SMCHD1: variants seen among roughly 807,000 people sequenced by gnomAD.
SMCHD1 encodes structural maintenance of chromosomes flexible hinge domain containing 1, also known as structural maintenance of chromosomes flexible hinge domain-containing protein 1.
A neutral mutation model predicts 254.7 loss-of-function variants in SMCHD1; 78 were observed. That is an observed-to-expected ratio of 0.31 (90% CI 0.26 to 0.37). The LOEUF (loss-of-function observed/expected upper bound fraction) is 0.37. Ranked by LOEUF, SMCHD1 falls within the 10% of genes least tolerant of loss-of-function variation. SMCHD1 has a pLI of 1.00. For missense variants in SMCHD1, 1,840 were observed against 2,408.1 expected, an observed-to-expected ratio of 0.76 and a Z score of 4.94; for synonymous variants, 766 against 794.9, an observed-to-expected ratio of 0.96 and a Z score of 0.61.
chr18:2,771,512 A>T, intron 39 of SMCHD1, 21 bp from the exon 40 acceptor site: 1 of 1,545,792 alleles, frequency 6.5e-7, no homozygotes, highest in Non-Finnish European at 8.7e-7. Flanking sequence ...ATTGATGCAA[A>T]TTTTTGGTTT....
At chr18:2,786,765 T>C (rs1424535513) in intron 45 of SMCHD1, among the ~76,000 whole-genome samples, 1 of 152,222 alleles carries the variant, frequency 6.6e-6, no homozygotes, top group African/African-American at 2.4e-5. Flanking sequence ...CACCACTCCA[T>C]ACTCAAAGGA....
Position 2,722,368 on chromosome 18 carries a change from T to C in SMCHD1, c.2459-151T>C, listed in dbSNP as rs117815900. The C allele has an allele frequency of 3.6e-3, 2,425 of 672,528 alleles. 26 individuals are homozygous for C. The highest frequency in any genetic ancestry group is 0.026 in the East Asian group (906 of 35,286). The allele number at this position is 672,528 out of a possible 1,614,324, so 41.7% of individuals were successfully genotyped here. A position where few individuals can be genotyped will look rare whatever the true frequency, so the allele number is the denominator to read the frequency against. ...CCAAGTGGATTGTCTGCATAACATA[T>C]AATTTTTGCGCTGATTTTAAAATGT... On this transcript the variant is annotated intron_variant, in intron 19 of 47. Coordinates refer to ENST00000320876, the MANE Select transcript of SMCHD1 (RefSeq NM_015295.3).
intron 1 of SMCHD1, 40 bp from the exon 2 acceptor site, chr18:2,666,117 C>T: frequency 2.2e-6 from 2 of 909,206 alleles, no homozygotes; most frequent in Admixed American, 2.4e-5. Flanking sequence ...ACATTTATTT[C>T]CTTTGTGTAA....
At chr18:2,725,365 A>G (rs901518339) in intron 21 of SMCHD1, among the ~76,000 whole-genome samples, 1 of 151,766 alleles carries the variant, frequency 6.6e-6, no homozygotes, top group Non-Finnish European at 1.5e-5. Flanking sequence ...TAGAACAAAA[A>G]TGACAATTAG....
Position 2,703,746 on chromosome 18 carries a change from G to A in SMCHD1, c.1702G>A (p.Glu568Lys), listed in dbSNP as rs750017186. ...EFALWLKDCH[E>K]KYDKQIKFTL... ...TGCTTTGTGGCTGAAGGACTGTCAT[G>A]AGAAGTATGATAAACAAATAAAATT... The change falls in exon 13 of 48, where the codon GAG (glutamate) becomes AAG (lysine). Residue 568 changes from glutamate (E) to lysine (K), a missense_variant. Physicochemically the swap from Glu to Lys is moderately conservative, Grantham distance 56. Transcript: ENST00000320876. 1 of 1,612,306 alleles carries A rather than the reference G, an allele frequency of 6.2e-7. No individual in the cohort carries two copies. Among genetic ancestry groups the A allele is most frequent in the South Asian group, 1.1e-5 (1 of 90,870 alleles).
At chr18:2,787,585 A>G (rs1330931969) in intron 45 of SMCHD1, among the ~76,000 whole-genome samples, 3 of 152,240 alleles carry the variant, frequency 2.0e-5, no homozygotes, top group Admixed American at 2.0e-4. Flanking sequence ...CAGTGAATTA[A>G]TGTAAAAGGC....
rs79842856 is a variant in SMCHD1, at chr18:2,754,944, C to T, written c.4346+2392C>T. Among the ~76,000 whole-genome samples, 1,343 of 152,024 alleles carry T rather than the reference C, an allele frequency of 8.8e-3. 22 individuals carry two copies. Among genetic ancestry groups the T allele is most frequent in the African/African-American group, 0.031 (1,273 of 41,444 alleles). ...TGAGGTCCATCGTAAATGATATCTCCTAAAACATTTTTATTTTCTGTTGTT... is the reference window on the plus strand; with the variant it reads ...TGAGGTCCATCGTAAATGATATCTCTTAAAACATTTTTATTTTCTGTTGTT... On this transcript the variant is annotated intron_variant, in intron 34 of 47. Coordinates refer to ENST00000320876, the MANE Select transcript of SMCHD1 (RefSeq NM_015295.3).
At chr18:2,790,310 A>AT (rs2076299806) in intron 45 of SMCHD1, among the ~76,000 whole-genome samples, 1 of 152,208 alleles carries the variant, frequency 6.6e-6, no homozygotes. Flanking sequence ...ACAGTCCAAA[A>AT]TAGGTGAGTG....
At chr18:2,774,109 G>A (rs1281150695) in intron 41 of SMCHD1, among the ~76,000 whole-genome samples, 1 of 151,868 alleles carries the variant, frequency 6.6e-6, no homozygotes, top group Non-Finnish European at 1.5e-5. Flanking sequence ...TGAGGAAGAT[G>A]TAGTAGCAGT....
At chr18:2,759,474 T>C (rs1246247189) in intron 34 of SMCHD1, among the ~76,000 whole-genome samples, 1 of 141,924 alleles carries the variant, frequency 7.0e-6, no homozygotes, top group Non-Finnish European at 1.5e-5. Context: ...TTGTTAACTC[T>C]AACATTTTCA....
intron 17 of SMCHD1, among the ~76,000 whole-genome samples, chr18:2,713,801 G>A (rs2074734452): frequency 6.6e-6 from 1 of 152,164 alleles, no homozygotes. Flanking sequence ...TCTTGGAATT[G>A]ATTTCTAGTT....
At position 2,660,193 on chromosome 18, in the gene SMCHD1, G is replaced by A. The variant is rs186244178; in HGVS notation, c.186+3932G>A. On this transcript the variant is annotated intron_variant, in intron 1 of 47. Transcript: ENST00000320876. ...ACAAATATTAGCTGGATCTGGTGGCGGGTGCCTGTAATCCCAGCTACTCGA... is the reference window on the plus strand; with the variant it reads ...ACAAATATTAGCTGGATCTGGTGGCAGGTGCCTGTAATCCCAGCTACTCGA... 2.0e-4 allele frequency among the ~76,000 whole-genome samples: 30 copies of A among 152,062 alleles called. No homozygotes were observed. The East Asian group carries it at 5.6e-3, about 28-fold the overall frequency.
At position 2,747,842 on chromosome 18, in the gene SMCHD1, A is replaced by G. The variant is rs4798020; in HGVS notation, c.3927+195A>G. On this transcript the variant is annotated intron_variant, in intron 30 of 47. Coordinates refer to ENST00000320876, the MANE Select transcript of SMCHD1 (RefSeq NM_015295.3). ...AAAGTTTATATCTTACAGTAGTACA[A>G]CAAGGGGCCAACATTGTACAGTTAT... Among the ~76,000 whole-genome samples the G allele has an allele frequency of 0.24, 36,881 of 152,134 alleles. 5,800 individuals are homozygous for G. Among genetic ancestry groups the G allele is most frequent in the Non-Finnish European group, 0.35 (23,743 of 67,970 alleles).
chr18:2,732,219 T>A (rs1404472304), intron 24 of SMCHD1, 46 bp from the exon 25 acceptor site: 2 of 1,461,826 alleles, frequency 1.4e-6, no homozygotes, highest in South Asian at 1.2e-5. Flanking sequence ...AGTGTAAAAT[T>A]TCAGTACAGA....
chr18:2,709,555 G>T (rs2074621010), intron 17 of SMCHD1, among the ~76,000 whole-genome samples: 1 of 152,174 alleles, frequency 6.6e-6, no homozygotes, highest in South Asian at 2.1e-4. Flanking sequence ...TTTTGTGGGG[G>T]ACGGATAATA....
rs1256214558 is a variant in SMCHD1 at position 2,763,705 on chromosome 18, T to C, written c.4635T>C (p.Asn1545=). ...GTIIATIKGS[N]EEDTDTPLFI... ...TAATAGCCACCATTAAAGGCTCTAA[T>C]GAGGAAGATACTGATACCCCACTTT... Residue 1545 remains asparagine (N), a synonymous_variant, in exon 37 of 48, where the codon AAT becomes AAC. Transcript: ENST00000320876. 2 of 1,609,354 alleles carry C rather than the reference T, an allele frequency of 1.2e-6. No individual in the cohort carries two copies. The highest frequency in any genetic ancestry group is 1.3e-5 in the African/African-American group (1 of 74,532).
chr18:2,675,707 GA>G (rs1320973787), intron 5 of SMCHD1, among the ~76,000 whole-genome samples: 1 of 152,188 alleles, frequency 6.6e-6, no homozygotes, highest in African/African-American at 2.4e-5. Flanking sequence ...GTATTAGGTG[GA>G]AGGGAAGGTA....
rs568705802 is a variant in SMCHD1 at position 2,798,599 on chromosome 18, A to G, written c.5993+2078A>G. ...CTTCTTTGTAAAAGTTATTCTTTGT[A>G]GAAAGTTCTTATATTGGTTAAATAA... On this transcript the variant is annotated intron_variant, in intron 47 of 47. Coordinates refer to ENST00000320876, the MANE Select transcript of SMCHD1 (RefSeq NM_015295.3). Among the ~76,000 whole-genome samples, 4 of 152,326 alleles carry G rather than the reference A, an allele frequency of 2.6e-5. No individual in the cohort carries two copies. In the South Asian group the frequency reaches 8.3e-4, roughly 32 times the overall value.
intron 44 of SMCHD1, among the ~76,000 whole-genome samples, chr18:2,779,890 TG>T (rs2076126026): frequency 6.6e-6 from 1 of 152,174 alleles, no homozygotes; most frequent in African/African-American, 2.4e-5. Context: ...TACTAATTTA[TG>T]GCAGAGCTAG....
Sources: allele counts gnomAD v4.1 joint callset (sites outside exome capture counted in the v4.1 genomes callset), GRCh38; gene constraint gnomAD v4.1.1; transcripts MANE v1.5; gene names NCBI Gene and HGNC (gene_info 2026-07-23, HGNC 2026-07-21).